Variants in RYR1 observed in about 807,000 individuals in gnomAD.
RYR1 encodes the protein ryanodine receptor 1.
Under a neutral mutation model 583.5 loss-of-function variants are expected in RYR1, and 342 were observed. The ratio of observed to expected loss-of-function variants is 0.59; its 90% confidence interval spans 0.54 to 0.64. RYR1 has a LOEUF of 0.64. Among genes scored for constraint, RYR1 ranks in the 30% least tolerant of loss-of-function variants. The probability of loss-of-function intolerance (pLI) is 0.00; values close to 1 mark genes in which losing one functional copy is unlikely to be tolerated. For missense variants in RYR1, 6,032 were observed against 6,917.2 expected, an observed-to-expected ratio of 0.87 and a Z score of 4.54; for synonymous variants, 2,791 against 2,822.5, an observed-to-expected ratio of 0.99 and a Z score of 0.35.
intron 63 of RYR1, 34 bp from the exon 64 acceptor site, chr19:38,514,992 C>A: frequency 1.3e-6 from 2 of 1,516,686 alleles, no homozygotes; most frequent in South Asian, 1.1e-5. Context: ...GTCTTGTGAG[C>A]GCATGCCGCA....
At chr19:38,528,807 T>G in intron 75 of RYR1, 112 bp downstream of exon 75, 2 of 1,428,774 alleles carry the variant, frequency 1.4e-6, no homozygotes, top group Non-Finnish European at 2.0e-6. Flanking sequence ...GGTATAGAAA[T>G]GCCAGCTCCT....
In RYR1 at chr19:38,453,962, T is replaced by A. The variant is rs143874078; in HGVS notation, c.1440+948T>A. ...GCCGGTCAGTGTGATGCCACTTTGG[T>A]TGTGCTCTCCACTTTGAGGCACTGC... On this transcript the variant is annotated intron_variant, in intron 13 of 105. Transcript: ENST00000359596. Among the ~76,000 whole-genome samples, 1,334 of 152,280 alleles carry A rather than the reference T, an allele frequency of 8.8e-3. 19 individuals are homozygous for A. The highest frequency in any genetic ancestry group is 8.8e-3 in the Non-Finnish European group (597 of 68,008).
In RYR1 at chr19:38,460,475, C is replaced by A. The variant is rs764127808; in HGVS notation, c.2461C>A (p.His821Asn). The A allele has an allele frequency of 5.0e-6, 8 of 1,614,138 alleles. No individual in the cohort carries two copies. The highest frequency in any genetic ancestry group is 6.8e-6 in the Non-Finnish European group (8 of 1,180,052). ...GGCTGTGCTCCCTCGAGAGCGACTC[C>A]ATCTTGAACCCATCAAGGAGTATCG... ...HEAVLPRERLHLEPIKEYRRE... is the reference protein window; with the variant it reads ...HEAVLPRERLNLEPIKEYRRE... Residue 821 changes from histidine to asparagine, a missense_variant, in exon 20 of 106, where the codon CAT (histidine) becomes AAT (asparagine). Physicochemically the swap from His to Asn is moderately conservative, Grantham distance 68 (BLOSUM62 1). Around this residue, in one of 11 missense-constraint regions of RYR1, gnomAD observed 2,627 missense variants for 2,961.3 expected, o/e 0.89. Transcript: ENST00000359596.
At chr19:38,511,983 G>T in intron 61 of RYR1, 89 bp from the exon 62 acceptor site, 1 of 1,455,648 alleles carries the variant, frequency 6.9e-7, no homozygotes, top group Non-Finnish European at 9.5e-7. Flanking sequence ...GTAGCCTCAG[G>T]AAGAGAGCGG....
intron 81 of RYR1, 95 bp downstream of exon 81, chr19:38,535,487 G>C (rs936551459): frequency 1.4e-5 from 13 of 950,014 alleles, no homozygotes; most frequent in Non-Finnish European, 2.3e-5. Context: ...TGCTCTTTCA[G>C]TCCAGGGAAA....
At chr19:38,503,086 A>G (rs2145621445) in intron 49 of RYR1, 116 bp downstream of exon 49, 1 of 937,042 alleles carries the variant, frequency 1.1e-6, no homozygotes, top group Non-Finnish European at 1.7e-6. Flanking sequence ...AACCTGCACT[A>G]GTTAGGGCAG....
chr19:38,450,096 A>G (rs936894476), intron 11 of RYR1, among the ~76,000 whole-genome samples: 2 of 152,132 alleles, frequency 1.3e-5, no homozygotes, highest in Non-Finnish European at 2.9e-5. Flanking sequence ...CAGGGAAGTG[A>G]CCTGACGCAG....
intron 101 of RYR1, among the ~76,000 whole-genome samples, chr19:38,581,785 G>A (rs1974222517): frequency 6.6e-6 from 1 of 151,328 alleles, no homozygotes; most frequent in South Asian, 2.1e-4. Context: ...TTTTAGTAGA[G>A]ATGGAGGTGG....
Position 38,525,519 on chromosome 19 carries a change from G to A in RYR1, c.10626+17G>A, listed in dbSNP as rs748420235. 56 of 1,612,186 alleles carry A rather than the reference G, an allele frequency of 3.5e-5. No homozygotes were observed. Among genetic ancestry groups the A allele is most frequent in the African/African-American group, 6.7e-5 (5 of 74,728 alleles). On this transcript the variant is annotated intron_variant, in intron 71 of 105. Transcript: ENST00000359596. ...TACGCCCTGGTGCCTGCCCAGCCCC[G>A]TCCTCGGAACCTTCCAGGATGCCGC...
intron 28 of RYR1, among the ~76,000 whole-genome samples, chr19:38,474,822 G>A (rs1048283145): frequency 1.3e-5 from 2 of 151,796 alleles, no homozygotes; most frequent in African/African-American, 4.8e-5. Flanking sequence ...TGATCCGTAC[G>A]ATGGCAGAGG....
intron 105 of RYR1, 120 bp from the exon 106 acceptor site, chr19:38,587,205 T>C (rs1360771310): frequency 8.4e-6 from 6 of 718,148 alleles, no homozygotes; most frequent in African/African-American, 7.1e-5. Context: ...TGAGCTGTGA[T>C]TGTCGCCACT....
chr19:38,526,696 T>C (rs916334588), intron 71 of RYR1, among the ~76,000 whole-genome samples: 2 of 151,906 alleles, frequency 1.3e-5, no homozygotes, highest in African/African-American at 4.8e-5. Flanking sequence ...GTCATCCCTC[T>C]TTGGCCATAT....
rs933294835 is a variant in RYR1 at position 38,512,055 on chromosome 19, C to G, written c.9173-17C>G. 6 of 1,613,276 alleles carry G rather than the reference C, an allele frequency of 3.7e-6. No individual in the cohort carries two copies. Among genetic ancestry groups the G allele is most frequent in the African/African-American group, 1.3e-5 (1 of 74,894 alleles). On this transcript the variant is annotated splice_polypyrimidine_tract_variant and intron_variant, in intron 61 of 105. Transcript: ENST00000359596. The surrounding 1 kb of genome is among the most constrained non-coding windows in gnomAD (Gnocchi z 5.1). ...CTCTTAGCCATGGCATCCCCCCGGCCCATCTTCCTCTCCCAGGGACAGACG... is the reference window on the plus strand; with the variant it reads ...CTCTTAGCCATGGCATCCCCCCGGCGCATCTTCCTCTCCCAGGGACAGACG...
intron 90 of RYR1, among the ~76,000 whole-genome samples, chr19:38,564,714 C>T (rs1052737959): frequency 6.6e-6 from 1 of 152,116 alleles, no homozygotes; most frequent in Non-Finnish European, 1.5e-5. Context: ...GGGGGTTTCA[C>T]CATGTTGGCC....
chr19:38,543,556 T>C lies in RYR1; in HGVS notation c.11803T>C (p.Tyr3935His). The change falls in exon 86 of 106, where the codon TAC becomes CAC. Residue 3935 changes from tyrosine (Y) to histidine (H), a missense_variant. Coordinates refer to ENST00000359596, the MANE Select transcript of RYR1 (RefSeq NM_000540.3). This position sits in a 1 kb window ranked among gnomAD's most constrained non-coding sequence, Gnocchi z 4.4. ...GGAATCCATCAGCGACTTCTACTGG[T>C]ACTACTCGGGCAAGGATGTCATTGA... ...LQESISDFYW[Y>H]YSGKDVIEEQ... The C allele has an allele frequency of 2.5e-6, 4 of 1,613,796 alleles. No homozygotes were observed. The highest frequency in any genetic ancestry group is 3.4e-6 in the Non-Finnish European group (4 of 1,179,862).
chr19:38,548,570 A>T (rs1972533528), intron 89 of RYR1, 150 bp downstream of exon 89: 6 of 740,706 alleles, frequency 8.1e-6, no homozygotes, highest in Admixed American at 2.7e-5. Flanking sequence ...TCCTTGGGTT[A>T]TATGTATTCT....
At chr19:38,518,209 CAGGAAGGA>C (rs74176446) in intron 66 of RYR1, among the ~76,000 whole-genome samples, 1 of 151,118 alleles carries the variant, frequency 6.6e-6, no homozygotes, top group Non-Finnish European at 1.5e-5. Flanking sequence ...GGAAGGAAGG[CAGGAAGGA>C]AGGAAGGAAG....
rs926268656 is a variant in RYR1, at chr19:38,435,773, A to G, written c.45+1899A>G. ...ACCTTCTGGACCACATCCCGCCCAT[A>G]AGAAACATTCTGTCTTACAACTCAG... On this transcript the variant is annotated intron_variant, in intron 1 of 105. Transcript: ENST00000359596. Among the ~76,000 whole-genome samples the G allele has an allele frequency of 3.3e-5, 5 of 152,168 alleles. No homozygotes were observed. The East Asian group carries it at 9.6e-4, about 29-fold the overall frequency.
rs895919743 is a variant in RYR1, at chr19:38,444,375, AT to A, written c.537+117del. 1.1e-6 allele frequency: 1 copy of A among 935,796 alleles called. No homozygotes were observed. Among genetic ancestry groups the A allele is most frequent in the Non-Finnish European group, 1.7e-6 (1 of 586,212 alleles). The allele number at this position is 935,796 out of a possible 1,614,324, so 58.0% of individuals were successfully genotyped here. A position where few individuals can be genotyped will look rare whatever the true frequency, so the allele number is the denominator to read the frequency against. On this transcript the variant is annotated intron_variant, in intron 6 of 105. Coordinates refer to ENST00000359596, the MANE Select transcript of RYR1 (RefSeq NM_000540.3). This position sits in a 1 kb window ranked among gnomAD's most constrained non-coding sequence, Gnocchi z 5.1. ...CCCACCCCCAAGGTCCTGACTCCCA[AT>A]TTCCCATTTCCTGACCCCTGACATC...
Sources: gnomAD v4.1 joint callset for allele counts (sites outside exome capture counted in the v4.1 genomes callset) on GRCh38, gnomAD v4.1.1 for gene constraint, gnomAD v4.1.1 regional missense constraint, Gnocchi (gnomAD v3.1) non-coding constraint, MANE v1.5 for transcripts, NCBI Gene and HGNC (gene_info 2026-07-23, HGNC 2026-07-21) for gene names.